Variants in KIFAP3 observed in about 807,000 individuals in gnomAD.
KIFAP3 encodes kinesin associated protein 3, also known as kinesin-associated protein 3.
KIFAP3 carries 68 observed loss-of-function variants against 106.5 expected under a neutral mutation model. The observed-to-expected ratio is 0.64, with a 90% confidence interval of 0.53 to 0.78. KIFAP3 has a LOEUF of 0.78. Among genes scored for constraint, KIFAP3 ranks in the 30% least tolerant of loss-of-function variants. The probability of loss-of-function intolerance (pLI) is 0.00; values close to 1 mark genes in which losing one functional copy is unlikely to be tolerated. For missense variants in KIFAP3, 780 were observed against 941.8 expected (o/e 0.83, Z 2.25); for synonymous variants, 320 against 311.5 (o/e 1.03, Z -0.29).
intron 2 of KIFAP3, among the ~76,000 whole-genome samples, chr1:170,052,478 C>T (rs897236999): frequency 3.9e-5 from 6 of 152,180 alleles, no homozygotes; most frequent in African/African-American, 1.4e-4. Flanking sequence ...GGGACTCCTT[C>T]CTAACTCATT....
At chr1:169,947,948 T>G (rs1013098717) in intron 19 of KIFAP3, among the ~76,000 whole-genome samples, 3 of 151,120 alleles carry the variant, frequency 2.0e-5, no homozygotes, top group African/African-American at 7.3e-5. Context: ...AGAACCAGTG[T>G]AATATAATCT....
At chr1:170,043,599 A>T (rs1050108496) in intron 3 of KIFAP3, among the ~76,000 whole-genome samples, 1 of 152,140 alleles carries the variant, frequency 6.6e-6, no homozygotes, top group Non-Finnish European at 1.5e-5. Context: ...CTAACAGAAA[A>T]TATTAGGTTA....
intron 17 of KIFAP3, among the ~76,000 whole-genome samples, chr1:169,971,846 T>C (rs1186534986): frequency 6.6e-6 from 1 of 151,952 alleles, no homozygotes; most frequent in Non-Finnish European, 1.5e-5. Context: ...ATATGCCATA[T>C]ATAAAAAATA....
At chr1:170,020,141 A>T (rs2102011369) in intron 9 of KIFAP3, among the ~76,000 whole-genome samples, 1 of 152,346 alleles carries the variant, frequency 6.6e-6, no homozygotes, top group East Asian at 1.9e-4. Context: ...ATGATGGAAG[A>T]AATAAAAAAA....
chr1:170,026,524 A>G (rs1669109601), intron 8 of KIFAP3, among the ~76,000 whole-genome samples: 1 of 152,194 alleles, frequency 6.6e-6, no homozygotes, highest in Non-Finnish European at 1.5e-5. Context: ...TCCAGGCAGA[A>G]CCTGATAGAA....
rs1312197592 is a variant in KIFAP3, at chr1:169,922,957, TTAAA to T, written c.2274-1180_2274-1177del. On this transcript the variant is annotated intron_variant, in intron 19 of 19. Transcript: ENST00000361580. ...AAGTAACTATTAAAATGTTAAGGTT[TTAAA>T]TAAATGTGTGAATGCGTGTGTGTGT... 6.9e-5 allele frequency: 20 copies of T among 290,254 alleles called. No homozygotes were observed. The South Asian group carries it at 2.2e-3, about 31-fold the overall frequency. 18.0% of individuals were successfully genotyped at this position (290,254 alleles called of 1,614,324 possible).
intron 19 of KIFAP3, among the ~76,000 whole-genome samples, chr1:169,945,652 T>A (rs1053745958): frequency 6.6e-6 from 1 of 152,230 alleles, no homozygotes; most frequent in African/African-American, 2.4e-5. Flanking sequence ...CAGATTTAAA[T>A]TGAACACTAA....
At chr1:170,071,861 G>A (rs899783806) in intron 1 of KIFAP3, among the ~76,000 whole-genome samples, 1 of 152,210 alleles carries the variant, frequency 6.6e-6, no homozygotes, top group Non-Finnish European at 1.5e-5. Context: ...ATAAAGGAAT[G>A]AAGTACTGAT....
intron 1 of KIFAP3, among the ~76,000 whole-genome samples, chr1:170,058,024 C>A (rs530310063): frequency 2.0e-5 from 3 of 152,038 alleles, no homozygotes; most frequent in African/African-American, 7.2e-5. Flanking sequence ...ATGAAACATA[C>A]CTTCTATAAC....
intron 8 of KIFAP3, among the ~76,000 whole-genome samples, chr1:170,031,408 A>G (rs1306845237): frequency 1.3e-5 from 2 of 151,774 alleles, no homozygotes; most frequent in African/African-American, 4.8e-5. Flanking sequence ...CATTATCACT[A>G]ACCACCATAA....
intron 16 of KIFAP3, among the ~76,000 whole-genome samples, chr1:169,975,755 T>C (rs1243706510): frequency 6.6e-6 from 1 of 152,090 alleles, no homozygotes; most frequent in Non-Finnish European, 1.5e-5. Flanking sequence ...GCTGAGACTA[T>C]AGGCATGCAC....
intron 17 of KIFAP3, among the ~76,000 whole-genome samples, chr1:169,964,616 A>G (rs1203170803): frequency 2.6e-5 from 4 of 152,184 alleles, no homozygotes; most frequent in African/African-American, 7.2e-5. Flanking sequence ...ATTCTCAATC[A>G]TGCTCTCACT....
In KIFAP3 at chr1:170,059,716, A is replaced by G. The variant is rs533319612; in HGVS notation, c.33-4280T>C. On this transcript the variant is annotated intron_variant, in intron 1 of 19. Coordinates refer to ENST00000361580, the MANE Select transcript of KIFAP3 (RefSeq NM_014970.4). ...AAGCCTGGCAGAGACACAACAAAAA[A>G]AAAGAATTTTAAACCAATATCCCTG... Among the ~76,000 whole-genome samples the G allele has an allele frequency of 8.5e-5, 13 of 152,336 alleles. No individual in the cohort carries two copies. The South Asian group carries it at 2.7e-3, about 32-fold the overall frequency.
At chr1:169,977,273 A>G (rs1294682294) in intron 16 of KIFAP3, among the ~76,000 whole-genome samples, 1 of 151,320 alleles carries the variant, frequency 6.6e-6, no homozygotes, top group Non-Finnish European at 1.5e-5. Flanking sequence ...GTTATTCACA[A>G]TGAATACAGA....
intron 8 of KIFAP3, among the ~76,000 whole-genome samples, chr1:170,029,793 T>A (rs995844928): frequency 6.6e-6 from 1 of 151,872 alleles, no homozygotes; most frequent in African/African-American, 2.4e-5. Flanking sequence ...AAGTGATGGA[T>A]AGAACAAAAT....
At chr1:169,928,741 A>G (rs1319329078) in intron 19 of KIFAP3, among the ~76,000 whole-genome samples, 2 of 147,416 alleles carry the variant, frequency 1.4e-5, no homozygotes, top group Admixed American at 1.4e-4. Flanking sequence ...TACCTTTACG[A>G]GTTGGGGACT....
chr1:170,036,545 G>T (rs1195047880), intron 5 of KIFAP3, among the ~76,000 whole-genome samples: 2 of 151,948 alleles, frequency 1.3e-5, no homozygotes, highest in Admixed American at 6.6e-5. Flanking sequence ...AAATTATTTT[G>T]GAGTCACATA....
At chr1:170,016,672 G>T in intron 9 of KIFAP3, 48 bp from the exon 10 acceptor site, 6 of 1,122,154 alleles carry the variant, frequency 5.3e-6, no homozygotes, top group South Asian at 1.8e-5. Context: ...TTGCAAAATA[G>T]GACAAAAAGA....
intron 2 of KIFAP3, among the ~76,000 whole-genome samples, chr1:170,050,342 G>A (rs1420427830): frequency 1.3e-5 from 2 of 152,212 alleles, no homozygotes; most frequent in Non-Finnish European, 2.9e-5. Context: ...ATGGGACTAT[G>A]TGAAAAGATC....
Sources: gnomAD v4.1 joint callset for allele counts (sites outside exome capture counted in the v4.1 genomes callset) on GRCh38, gnomAD v4.1.1 for gene constraint, MANE v1.5 for transcripts, NCBI Gene and HGNC (gene_info 2026-07-23, HGNC 2026-07-21) for gene names.